The following PCDH15 variants were observed in gnomAD, a reference collection of about 807,000 sequenced individuals.
PCDH15 encodes protocadherin related 15, also known as protocadherin-15.
A neutral mutation model predicts 178.5 loss-of-function variants in PCDH15; 129 were observed. That is an observed-to-expected ratio of 0.72 (90% CI 0.63 to 0.84). The LOEUF (loss-of-function observed/expected upper bound fraction) is 0.84, where lower values mean the gene tolerates loss of function less well. PCDH15 is among the 40% of genes least tolerant of loss of function. The pLI is 0.00. For synonymous variants in PCDH15, 800 were observed against 732.0 expected (o/e 1.09, Z -1.50); for missense variants, 2,230 against 2,099.9 (o/e 1.06, Z -1.21).
intron 3 of PCDH15, among the ~76,000 whole-genome samples, chr10:54,830,228 T>C (rs1953200382): frequency 6.6e-6 from 1 of 152,154 alleles, no homozygotes; most frequent in African/African-American, 2.4e-5. Context: ...GCCATCCCAT[T>C]ACTGGGTATA....
intron 8 of PCDH15, among the ~76,000 whole-genome samples, chr10:54,251,128 G>T: frequency 6.6e-6 from 1 of 152,034 alleles, no homozygotes; most frequent in Non-Finnish European, 1.5e-5. Flanking sequence ...TTGAATTTTA[G>T]GTTCTCTATT....
At chr10:53,924,064 T>G (rs2084246269) in intron 25 of PCDH15, among the ~76,000 whole-genome samples, 1 of 151,932 alleles carries the variant, frequency 6.6e-6, no homozygotes, top group African/African-American at 2.4e-5. Flanking sequence ...TCCTCAGCCT[T>G]GGCGCCCACT....
intron 2 of PCDH15, among the ~76,000 whole-genome samples, chr10:55,339,129 G>A (rs1844481866): frequency 6.6e-6 from 1 of 152,098 alleles, no homozygotes; most frequent in Non-Finnish European, 1.5e-5. Context: ...TTAAAATACT[G>A]AAAGAGTAGA....
intron 21 of PCDH15, among the ~76,000 whole-genome samples, chr10:53,982,769 A>G (rs2090768447): frequency 6.6e-6 from 1 of 151,804 alleles, no homozygotes; most frequent in African/African-American, 2.4e-5. Context: ...ATGTATACAT[A>G]TGTAACTAAC....
intron 3 of PCDH15, among the ~76,000 whole-genome samples, chr10:54,861,321 T>G (rs1953838661): frequency 6.6e-6 from 1 of 152,076 alleles, no homozygotes; most frequent in African/African-American, 2.4e-5. Flanking sequence ...TAAAAGATCA[T>G]CAGGCACTAC....
chr10:54,395,745 GTAA>G (rs1325889330), intron 3 of PCDH15, among the ~76,000 whole-genome samples: 2 of 152,014 alleles, frequency 1.3e-5, no homozygotes, highest in Non-Finnish European at 2.9e-5. Flanking sequence ...TTTCTATCTT[GTAA>G]TAATACATGA....
intron 2 of PCDH15, among the ~76,000 whole-genome samples, chr10:55,340,143 T>TA (rs1373724470): frequency 6.6e-6 from 1 of 151,198 alleles, no homozygotes; most frequent in African/African-American, 2.4e-5. Flanking sequence ...GACACCCATG[T>TA]ATAGACACAC....
chr10:54,109,300 C>T (rs2094972151), intron 15 of PCDH15, among the ~76,000 whole-genome samples: 1 of 152,126 alleles, frequency 6.6e-6, no homozygotes, highest in Non-Finnish European at 1.5e-5. Context: ...TTTATTGCAG[C>T]ACTATTCACA....
intron 1 of PCDH15, among the ~76,000 whole-genome samples, chr10:55,255,586 CTA>C (rs1486903062): frequency 6.6e-6 from 1 of 152,084 alleles, no homozygotes; most frequent in Non-Finnish European, 1.5e-5. Context: ...AAAAGTGTTC[CTA>C]TTTCTCCACA....
At chr10:55,456,469 G>A (rs1839556987) in intron 2 of PCDH15, among the ~76,000 whole-genome samples, 1 of 151,880 alleles carries the variant, frequency 6.6e-6, no homozygotes, top group African/African-American at 2.4e-5. Flanking sequence ...CATAAATAAT[G>A]CAACTGTTGA....
intron 1 of PCDH15, among the ~76,000 whole-genome samples, chr10:55,259,399 A>T: frequency 6.6e-6 from 1 of 152,206 alleles, no homozygotes; most frequent in East Asian, 1.9e-4. Context: ...AATCTAAGTA[A>T]AGAAAGTATT....
chr10:54,437,726 G>A (rs1018348429), intron 3 of PCDH15, among the ~76,000 whole-genome samples: 1 of 152,118 alleles, frequency 6.6e-6, no homozygotes, highest in East Asian at 1.9e-4. Flanking sequence ...GGGGAAGTAG[G>A]TTTCTGCAGA....
chr10:55,397,242 A>G (rs1422198887), intron 2 of PCDH15, among the ~76,000 whole-genome samples: 5 of 152,172 alleles, frequency 3.3e-5, no homozygotes, highest in Non-Finnish European at 5.9e-5. Context: ...ATCAGCCTCT[A>G]TATTTTCAAA....
intron 8 of PCDH15, among the ~76,000 whole-genome samples, chr10:54,252,894 T>G (rs562325261): frequency 6.4e-4 from 98 of 152,210 alleles, no homozygotes; most frequent in African/African-American, 2.1e-3. Context: ...CTTTCTGATC[T>G]GTACTATAGT....
At chr10:54,714,639 G>C (rs1360378043) in intron 1 of PCDH15, among the ~76,000 whole-genome samples, 1 of 152,004 alleles carries the variant, frequency 6.6e-6, no homozygotes. Flanking sequence ...ATATCTTTTA[G>C]AGTCATAGTG....
intron 1 of PCDH15, among the ~76,000 whole-genome samples, chr10:54,790,679 T>G (rs1402335608): frequency 6.6e-6 from 1 of 151,854 alleles, no homozygotes; most frequent in Admixed American, 6.6e-5. Flanking sequence ...TGAAAAATAA[T>G]AAACACTGAA....
chr10:53,804,177 T>TATC lies in PCDH15; in HGVS notation c.*2399_*2401dup, dbSNP rs1589051500. On this transcript the variant is annotated 3_prime_UTR_variant, in exon 38 of 38. Coordinates refer to ENST00000644397, the MANE Select transcript of PCDH15 (RefSeq NM_001384140.1). ...GTGTAAATTCTGCTTCTCTTTATAC[T>TATC]ATCTCCATTAAGTAACAGATGATTG... 1 of 152,016 alleles carries TATC rather than the reference T, an allele frequency of 6.6e-6. No homozygotes were observed. Among genetic ancestry groups the TATC allele is most frequent in the Non-Finnish European group, 1.5e-5 (1 of 67,908 alleles). The allele number at this position is 152,016 out of a possible 1,614,324, so 9.4% of individuals were successfully genotyped here. A position where few individuals can be genotyped will look rare whatever the true frequency, so the allele number is the denominator to read the frequency against.
intron 1 of PCDH15, among the ~76,000 whole-genome samples, chr10:55,257,782 A>C (rs1168071981): frequency 1.3e-5 from 2 of 152,150 alleles, no homozygotes; most frequent in East Asian, 3.9e-4. Context: ...GAATGGAACC[A>C]AGTTGGAAAA....
chr10:55,480,546 T>C (rs1386257682), intron 2 of PCDH15, among the ~76,000 whole-genome samples: 2 of 151,846 alleles, frequency 1.3e-5, no homozygotes, highest in East Asian at 3.9e-4. Flanking sequence ...CATGAAGTGA[T>C]GCTGAATTTT....
Sources: gnomAD v4.1 joint callset for allele counts (sites outside exome capture counted in the v4.1 genomes callset) on GRCh38, gnomAD v4.1.1 for gene constraint, MANE v1.5 for transcripts, NCBI Gene and HGNC (gene_info 2026-07-23, HGNC 2026-07-21) for gene names.